CNTNAP2: variants seen among roughly 807,000 people sequenced by gnomAD.
The protein encoded by CNTNAP2 is contactin associated protein 2.
CNTNAP2 carries 98 observed loss-of-function variants against 155.2 expected under a neutral mutation model. That is an observed-to-expected ratio of 0.63 (90% CI 0.54 to 0.75). The LOEUF (loss-of-function observed/expected upper bound fraction) is 0.75, where lower values mean the gene tolerates loss of function less well. CNTNAP2 is among the 30% of genes least tolerant of loss of function. CNTNAP2 has a pLI of 0.00. For missense variants in CNTNAP2, 1,727 were observed against 1,688.1 expected (o/e 1.02, Z -0.40); for synonymous variants, 651 against 631.2 (o/e 1.03, Z -0.47).
chr7:147,096,281 A>G (rs1584839841), intron 4 of CNTNAP2, among the ~76,000 whole-genome samples: 4 of 152,364 alleles, frequency 2.6e-5, no homozygotes, highest in Admixed American at 2.6e-4. Flanking sequence ...CAACTGGTGA[A>G]CATTTAAATT....
Position 147,738,161 on chromosome 7 carries a change from G to A in CNTNAP2, c.2098+98855G>A, listed in dbSNP as rs188193938. 2.1e-3 allele frequency among the ~76,000 whole-genome samples: 319 copies of A among 152,190 alleles called. 2 individuals carry two copies. The highest frequency in any genetic ancestry group is 3.5e-3 in the Non-Finnish European group (236 of 67,994). On this transcript the variant is annotated intron_variant, in intron 13 of 23. Coordinates refer to ENST00000361727, the MANE Select transcript of CNTNAP2 (RefSeq NM_014141.6). Reference sequence around the variant, plus strand: ...GTTCCTATTCAGCCATCTTGGAATCGCCCCCCGAAATTGGTTTCTTGAGAT... The same window carrying A: ...GTTCCTATTCAGCCATCTTGGAATCACCCCCCGAAATTGGTTTCTTGAGAT...
chr7:147,178,840 G>A (rs943555183), intron 8 of CNTNAP2, among the ~76,000 whole-genome samples: 4 of 152,160 alleles, frequency 2.6e-5, no homozygotes, highest in Middle Eastern at 3.4e-3. Context: ...GTTGATTAAG[G>A]CAGTAGTTAT....
At chr7:146,766,931 A>T (rs559684858) in intron 1 of CNTNAP2, among the ~76,000 whole-genome samples, 1 of 152,270 alleles carries the variant, frequency 6.6e-6, no homozygotes, top group Admixed American at 6.6e-5. Flanking sequence ...ATCTAGTAGG[A>T]AACAAGAGAG....
At chr7:147,610,667 G>C (rs368240512) in intron 12 of CNTNAP2, among the ~76,000 whole-genome samples, 7 of 152,114 alleles carry the variant, frequency 4.6e-5, no homozygotes, top group African/African-American at 1.7e-4. Flanking sequence ...GGAGTTTTAG[G>C]GGAAGCATCT....
At chr7:147,656,401 C>T (rs544587960) in intron 13 of CNTNAP2, among the ~76,000 whole-genome samples, 2 of 152,274 alleles carry the variant, frequency 1.3e-5, no homozygotes, top group South Asian at 4.1e-4. Context: ...TGATGTCTAG[C>T]TTTTGATTTA....
intron 13 of CNTNAP2, among the ~76,000 whole-genome samples, chr7:147,899,819 C>T (rs1002926896): frequency 4.0e-5 from 6 of 151,106 alleles, no homozygotes; most frequent in African/African-American, 7.3e-5. Context: ...TGGGAGGCAG[C>T]GGTTACAGTG....
At chr7:148,058,534 G>A (rs146191072) in intron 15 of CNTNAP2, among the ~76,000 whole-genome samples, 18 of 152,212 alleles carry the variant, frequency 1.2e-4, no homozygotes, top group South Asian at 2.1e-4. Context: ...TTTATGGCCC[G>A]TAGTTTTACA....
chr7:146,386,906 G>T (rs192837193), intron 1 of CNTNAP2, among the ~76,000 whole-genome samples: 36 of 152,132 alleles, frequency 2.4e-4, no homozygotes, highest in Non-Finnish European at 4.6e-4. Flanking sequence ...TTTCCTTTAA[G>T]GTTGTGGTTT....
intron 1 of CNTNAP2, among the ~76,000 whole-genome samples, chr7:146,768,113 A>G (rs1257839874): frequency 6.6e-6 from 1 of 152,098 alleles, no homozygotes; most frequent in Non-Finnish European, 1.5e-5. Flanking sequence ...TAGAAAATGT[A>G]AAATATAAAT....
intron 10 of CNTNAP2, among the ~76,000 whole-genome samples, chr7:147,440,588 A>C (rs1308342347): frequency 1.3e-5 from 2 of 152,062 alleles, no homozygotes; most frequent in East Asian, 3.9e-4. Context: ...CTTATTGCTC[A>C]TTAACATTCT....
intron 1 of CNTNAP2, among the ~76,000 whole-genome samples, chr7:146,316,810 C>T (rs1027926762): frequency 5.9e-5 from 9 of 151,606 alleles, no homozygotes; most frequent in Non-Finnish European, 1.2e-4. Context: ...GTGGCTTCTC[C>T]AAGCACACCT....
intron 13 of CNTNAP2, among the ~76,000 whole-genome samples, chr7:147,761,453 G>A (rs1193563700): frequency 6.6e-6 from 1 of 152,138 alleles, no homozygotes; most frequent in Non-Finnish European, 1.5e-5. Flanking sequence ...CTTCAAAACA[G>A]AAAGCCCCGA....
intron 1 of CNTNAP2, among the ~76,000 whole-genome samples, chr7:146,576,281 G>A (rs1798522481): frequency 6.6e-6 from 1 of 152,224 alleles, no homozygotes; most frequent in African/African-American, 2.4e-5. Context: ...ACGTTGGAAA[G>A]TGCTTTCTAG....
chr7:148,286,308 C>T (rs1797080948), intron 21 of CNTNAP2, among the ~76,000 whole-genome samples: 1 of 152,168 alleles, frequency 6.6e-6, no homozygotes, highest in Non-Finnish European at 1.5e-5. Flanking sequence ...CCTTTTCCTC[C>T]ATCTCTCTGT....
At chr7:147,146,932 A>G (rs1584755327) in intron 8 of CNTNAP2, among the ~76,000 whole-genome samples, 1 of 152,218 alleles carries the variant, frequency 6.6e-6, no homozygotes, top group East Asian at 1.9e-4. Flanking sequence ...GGGATCACAT[A>G]GAAGCTTAAT....
intron 22 of CNTNAP2, among the ~76,000 whole-genome samples, chr7:148,386,675 A>C (rs939027174): frequency 3.9e-5 from 6 of 152,228 alleles, no homozygotes; most frequent in African/African-American, 1.2e-4. Flanking sequence ...GTTACTTAAC[A>C]GCAGCCTCTG....
intron 15 of CNTNAP2, among the ~76,000 whole-genome samples, chr7:148,058,386 G>A (rs558953441): frequency 6.6e-6 from 1 of 152,286 alleles, no homozygotes; most frequent in South Asian, 2.1e-4. Context: ...AAGTCAGTGT[G>A]CAGCCTACCT....
chr7:146,560,615 A>G (rs985414034), intron 1 of CNTNAP2, among the ~76,000 whole-genome samples: 1 of 152,102 alleles, frequency 6.6e-6, no homozygotes. Flanking sequence ...GAATCCTGCC[A>G]TATTAGAGTA....
At chr7:146,504,938 G>A (rs1264228393) in intron 1 of CNTNAP2, among the ~76,000 whole-genome samples, 1 of 152,100 alleles carries the variant, frequency 6.6e-6, no homozygotes, top group Non-Finnish European at 1.5e-5. Context: ...TCAGACTATG[G>A]CAGACAACCA....
Sources: gnomAD v4.1 joint callset for allele counts (sites outside exome capture counted in the v4.1 genomes callset) on GRCh38, gnomAD v4.1.1 for gene constraint, MANE v1.5 for transcripts, NCBI Gene and HGNC (gene_info 2026-07-23, HGNC 2026-07-21) for gene names.